USP13: variants seen among roughly 807,000 people sequenced by gnomAD.
The protein encoded by USP13 is ubiquitin specific peptidase 13, also known as ubiquitin carboxyl-terminal hydrolase 13.
USP13 carries 68 observed loss-of-function variants against 107.8 expected under a neutral mutation model. The ratio of observed to expected loss-of-function variants is 0.63; its 90% CI spans 0.52 to 0.77. The LOEUF is 0.77. Ranked by LOEUF, USP13 falls within the 30% of genes least tolerant of loss-of-function variation. The pLI, the probability that USP13 is intolerant of heterozygous loss-of-function variation, is 0.00. For missense variants in USP13, 945 were observed against 1,093.3 expected (o/e 0.86, Z 1.91); for synonymous variants, 377 against 389.5 (o/e 0.97, Z 0.38).
chr3:179,689,615 G>A (rs575443097), intron 2 of USP13, among the ~76,000 whole-genome samples: 6 of 150,868 alleles, frequency 4.0e-5, no homozygotes, highest in South Asian at 4.2e-4. Flanking sequence ...CCGAGACTGC[G>A]CCACTGCACT....
chr3:179,657,266 C>T (rs1720293417), intron 1 of USP13, among the ~76,000 whole-genome samples: 1 of 152,148 alleles, frequency 6.6e-6, no homozygotes, highest in African/African-American at 2.4e-5. Flanking sequence ...GCCTGTAATC[C>T]CACCACTTTG....
At chr3:179,774,851 G>A (rs1049098759) in intron 19 of USP13, among the ~76,000 whole-genome samples, 16 of 152,160 alleles carry the variant, frequency 1.1e-4, no homozygotes, top group African/African-American at 3.6e-4. Flanking sequence ...ATTTTGACAG[G>A]GTGCTGATTG....
At chr3:179,696,523 G>T (rs1712333494) in intron 3 of USP13, among the ~76,000 whole-genome samples, 1 of 152,070 alleles carries the variant, frequency 6.6e-6, no homozygotes, top group Non-Finnish European at 1.5e-5. Flanking sequence ...AGTAGAGACG[G>T]GGTTTCGCCA....
chr3:179,684,691 GATCTTATTTGTCTGTCTCTGC>G (rs1308010934), intron 2 of USP13, among the ~76,000 whole-genome samples: 17 of 152,046 alleles, frequency 1.1e-4, no homozygotes, highest in Admixed American at 2.6e-4. Context: ...GTGTTCTGTT[GATCTTATTTGTCTGTCTCTGC>G]ATTGGTATGG....
chr3:179,665,639 G>C (rs1030197868), intron 1 of USP13, among the ~76,000 whole-genome samples: 1 of 152,176 alleles, frequency 6.6e-6, no homozygotes, highest in Non-Finnish European at 1.5e-5. Context: ...AGGCTGGAGT[G>C]CAGTGGTGTG....
chr3:179,751,710 G>A (rs889786104), intron 13 of USP13, among the ~76,000 whole-genome samples: 1 of 151,988 alleles, frequency 6.6e-6, no homozygotes, highest in Admixed American at 6.5e-5. Context: ...TAACAATTTT[G>A]AAACAGGTCC....
chr3:179,657,960 T>C (rs965777293), intron 1 of USP13, among the ~76,000 whole-genome samples: 2 of 152,006 alleles, frequency 1.3e-5, no homozygotes, highest in Non-Finnish European at 2.9e-5. Flanking sequence ...GTTGAGCTCC[T>C]CATTTCTATG....
chr3:179,688,163 ATCC>A (rs1711954568), intron 2 of USP13, among the ~76,000 whole-genome samples: 1 of 148,484 alleles, frequency 6.7e-6, no homozygotes, highest in Non-Finnish European at 1.5e-5. Context: ...ATATCCATCC[ATCC>A]GTATATCCAT....
chr3:179,743,212 TG>T (rs1282405604), intron 12 of USP13, among the ~76,000 whole-genome samples: 1 of 151,694 alleles, frequency 6.6e-6, no homozygotes, highest in Admixed American at 6.6e-5. Context: ...TGAGAACATA[TG>T]GACACAGGGA....
chr3:179,700,118 T>C (rs1321442714), intron 3 of USP13, among the ~76,000 whole-genome samples: 1 of 152,118 alleles, frequency 6.6e-6, no homozygotes. Flanking sequence ...ATATACATAT[T>C]GTGACAAGAC....
chr3:179,701,449 C>T (rs1712520334), intron 4 of USP13, among the ~76,000 whole-genome samples: 1 of 152,016 alleles, frequency 6.6e-6, no homozygotes, highest in African/African-American at 2.4e-5. Context: ...CTTAGATTTT[C>T]AAACTCTGCA....
rs41265415 is a variant in USP13, at chr3:179,708,967, C to A, written c.805+10C>A. Reference sequence around the variant, plus strand: ...ACTCCTGACGGGGCAGGTGAGTGCGCCTTTACCGACTTTGGGAACATGCAG... The same window carrying A: ...ACTCCTGACGGGGCAGGTGAGTGCGACTTTACCGACTTTGGGAACATGCAG... On this transcript the variant is annotated intron_variant, in intron 6 of 20. Coordinates refer to ENST00000263966, the MANE Select transcript of USP13 (RefSeq NM_003940.3). 1,810 of 1,610,824 alleles carry A rather than the reference C, an allele frequency of 1.1e-3. 2 individuals are homozygous for A. The highest frequency in any genetic ancestry group is 1.4e-3 in the Non-Finnish European group (1,591 of 1,178,134).
intron 13 of USP13, 36 bp from the exon 14 acceptor site, chr3:179,752,249 C>G: frequency 6.4e-7 from 1 of 1,571,148 alleles, no homozygotes; most frequent in Non-Finnish European, 8.7e-7. Context: ...ATTCTTATTG[C>G]CTTGTTTCAT....
intron 4 of USP13, among the ~76,000 whole-genome samples, chr3:179,704,567 C>T (rs1712647507): frequency 6.6e-6 from 1 of 152,128 alleles, no homozygotes; most frequent in South Asian, 2.1e-4. Context: ...CACTGGGCTA[C>T]TCACAGTCAG....
In USP13 at chr3:179,742,042, G is replaced by A. The variant is rs1189627789; in HGVS notation, c.1381-155G>A. Among the ~76,000 whole-genome samples the A allele has an allele frequency of 6.6e-6, 1 of 152,102 alleles. No individual in the cohort carries two copies. On this transcript the variant is annotated intron_variant, in intron 11 of 20. Coordinates refer to ENST00000263966, the MANE Select transcript of USP13 (RefSeq NM_003940.3). This position sits in a 1 kb window ranked among gnomAD's most constrained non-coding sequence, Gnocchi z 5.0. Reference sequence around the variant, plus strand: ...ATTTTTGGACTTTAGATAAATTCCAGTGTTTTTCTATTAAAGTGCTTTGGT... The same window carrying A: ...ATTTTTGGACTTTAGATAAATTCCAATGTTTTTCTATTAAAGTGCTTTGGT...
intron 2 of USP13, among the ~76,000 whole-genome samples, chr3:179,686,507 G>A (rs62290378): frequency 0.033 from 4,987 of 152,310 alleles, 106 homozygotes; most frequent in Non-Finnish European, 0.054. Flanking sequence ...CTTGAGCCCA[G>A]GAATTTCAGG....
In USP13 at chr3:179,740,271, C is replaced by G. The variant is rs377063095; in HGVS notation, c.1279C>G (p.Arg427Gly). ...HKPQQNGISP[R>G]MFKAFVSKSH... ...GCCACAGCAGAACGGGATCTCTCCG[C>G]GCATGTTTAAGGCCTTTGTAAGCAA... The change falls in exon 11 of 21, where the codon CGC becomes GGC. Residue 427 changes from arginine to glycine, a missense_variant. Transcript: ENST00000263966. The G allele has an allele frequency of 6.8e-6, 11 of 1,613,944 alleles. No individual in the cohort carries two copies. In the East Asian group the frequency reaches 2.0e-4, roughly 29 times the overall value.
chr3:179,727,899 G>A (rs1713600216), intron 8 of USP13, among the ~76,000 whole-genome samples: 1 of 68,136 alleles, frequency 1.5e-5, no homozygotes, highest in Admixed American at 1.6e-4. Flanking sequence ...TCACCTCCCG[G>A]ACGGGGCGGC....
intron 6 of USP13, among the ~76,000 whole-genome samples, chr3:179,714,911 C>T (rs1265068039): frequency 2.8e-5 from 4 of 140,900 alleles, no homozygotes; most frequent in African/African-American, 1.1e-4. Flanking sequence ...CACTCTGTTG[C>T]CCAGGCTGGA....
Sources: gnomAD v4.1 joint callset for allele counts (sites outside exome capture counted in the v4.1 genomes callset) on GRCh38, gnomAD v4.1.1 for gene constraint, Gnocchi (gnomAD v3.1) non-coding constraint, MANE v1.5 for transcripts, NCBI Gene and HGNC (gene_info 2026-07-23, HGNC 2026-07-21) for gene names.